The following ESR2 variants were observed in gnomAD, a reference collection of about 807,000 sequenced individuals.
ESR2 encodes estrogen receptor beta.
Under a neutral mutation model 49.6 loss-of-function variants are expected in ESR2, and 36 were observed. The observed-to-expected ratio is 0.73, with a 90% confidence interval of 0.56 to 0.96. ESR2 has a LOEUF of 0.96. Ranked by LOEUF, ESR2 falls within the 40% of genes least tolerant of loss-of-function variation. The pLI is 0.00. For synonymous variants in ESR2, 320 were observed against 266.1 expected (o/e 1.20, Z -1.97); for missense variants, 714 against 693.0 (o/e 1.03, Z -0.34).
rs1242626592 is a variant in ESR2, at chr14:64,240,172, C to T, written c.1226-5022G>A. Among the ~76,000 whole-genome samples, 3 of 152,192 alleles carry T rather than the reference C, an allele frequency of 2.0e-5. No homozygotes were observed. In the East Asian group the frequency reaches 5.8e-4, roughly 29 times the overall value. On this transcript the variant is annotated intron_variant, in intron 7 of 8. Transcript: ENST00000341099. ...GACCTGGCCAGCTAGCGTGCTGTACCACTGCAGATGTGATTGAGTGACATA... is the reference window on the plus strand; with the variant it reads ...GACCTGGCCAGCTAGCGTGCTGTACTACTGCAGATGTGATTGAGTGACATA...
chr14:64,258,637 T>C (rs540537062), intron 5 of ESR2, among the ~76,000 whole-genome samples: 13 of 152,330 alleles, frequency 8.5e-5, no homozygotes, highest in African/African-American at 3.1e-4. Flanking sequence ...TTCAAGTCTT[T>C]GAACAATTAT....
chr14:64,319,292 A>G (rs887495600), intron 1 of ESR2, among the ~76,000 whole-genome samples: 11 of 152,144 alleles, frequency 7.2e-5, no homozygotes, highest in African/African-American at 2.4e-4. Context: ...TACATCACAG[A>G]CCTAAATGTA....
intron 1 of ESR2, among the ~76,000 whole-genome samples, chr14:64,318,924 C>G (rs1180977147): frequency 6.6e-6 from 1 of 151,932 alleles, no homozygotes; most frequent in Non-Finnish European, 1.5e-5. Context: ...GCCTGTAATC[C>G]CAGCTACTAG....
chr14:64,318,944 G>A (rs1229335474), intron 1 of ESR2, among the ~76,000 whole-genome samples: 1 of 152,084 alleles, frequency 6.6e-6, no homozygotes. Flanking sequence ...GGGAGGCTGA[G>A]ATGGGAGGAT....
chr14:64,243,649 C>T (rs924797475), intron 7 of ESR2, among the ~76,000 whole-genome samples: 3 of 152,234 alleles, frequency 2.0e-5, no homozygotes, highest in Non-Finnish European at 4.4e-5. Context: ...AGGCCCACTA[C>T]TGAGGCAATA....
chr14:64,336,534 G>C (rs2077534375), intron 1 of ESR2: 1 of 152,112 alleles, frequency 6.6e-6, no homozygotes, highest in South Asian at 2.1e-4. Flanking sequence ...CATGCTCTTG[G>C]GGTTTTCCTC....
At chr14:64,235,378 T>A (rs1391041465) in intron 7 of ESR2, among the ~76,000 whole-genome samples, 2 of 152,200 alleles carry the variant, frequency 1.3e-5, no homozygotes, top group Admixed American at 1.3e-4. Context: ...CAGACTAAAT[T>A]GCCACCTGAA....
intron 4 of ESR2, among the ~76,000 whole-genome samples, chr14:64,265,313 T>C (rs1385878001): frequency 6.6e-6 from 1 of 152,228 alleles, no homozygotes; most frequent in Non-Finnish European, 1.5e-5. Context: ...TAATGTCTAC[T>C]GGAAGCTTCT....
intron 1 of ESR2, among the ~76,000 whole-genome samples, chr14:64,316,661 T>C (rs1014947160): frequency 6.6e-6 from 1 of 151,248 alleles, no homozygotes; most frequent in Non-Finnish European, 1.5e-5. Flanking sequence ...ATACAAAAAT[T>C]AGTCAGGCAT....
At chr14:64,258,650 C>T (rs1056041153) in intron 5 of ESR2, among the ~76,000 whole-genome samples, 2 of 152,100 alleles carry the variant, frequency 1.3e-5, no homozygotes, top group Admixed American at 6.6e-5. Flanking sequence ...ACAATTATAA[C>T]GCAAATCTGC....
intron 7 of ESR2, among the ~76,000 whole-genome samples, chr14:64,245,816 A>G (rs145787270): frequency 1.3e-5 from 2 of 152,328 alleles, no homozygotes; most frequent in Admixed American, 6.5e-5. Flanking sequence ...ACAAGCAAAC[A>G]GTGCTTTCCG....
intron 3 of ESR2, among the ~76,000 whole-genome samples, chr14:64,276,010 C>T (rs2076551302): frequency 6.6e-6 from 1 of 151,768 alleles, no homozygotes; most frequent in Non-Finnish European, 1.5e-5. Flanking sequence ...ATTCAGTATG[C>T]CAAAATAAAT....
At chr14:64,293,232 A>T (rs1216527641) in intron 1 of ESR2, among the ~76,000 whole-genome samples, 1 of 152,242 alleles carries the variant, frequency 6.6e-6, no homozygotes. Context: ...TTTTTAAATT[A>T]CAAACATGTT....
chr14:64,257,035 C>T (rs1208545658), intron 6 of ESR2, among the ~76,000 whole-genome samples, 191 bp downstream of exon 6: 1 of 152,148 alleles, frequency 6.6e-6, no homozygotes, highest in Non-Finnish European at 1.5e-5. Flanking sequence ...AAAAATGAGT[C>T]ACAGGACCCT....
intron 6 of ESR2, among the ~76,000 whole-genome samples, chr14:64,256,124 C>A (rs2076091052): frequency 6.6e-6 from 1 of 152,214 alleles, no homozygotes; most frequent in African/African-American, 2.4e-5. Context: ...TTCAACCTAG[C>A]ACTTTTTCCA....
intron 1 of ESR2, among the ~76,000 whole-genome samples, chr14:64,284,480 C>T (rs990128835): frequency 6.6e-6 from 1 of 151,330 alleles, no homozygotes; most frequent in Non-Finnish European, 1.5e-5. Flanking sequence ...GCATACACCA[C>T]CACACTAATT....
At chr14:64,268,675 G>GA in intron 4 of ESR2, 120 bp downstream of exon 4, 1 of 673,252 alleles carries the variant, frequency 1.5e-6, no homozygotes. Flanking sequence ...GTGACAACAC[G>GA]CAAATACTTA....
At chr14:64,311,499 G>T (rs779146016) in intron 1 of ESR2, among the ~76,000 whole-genome samples, 22 of 152,078 alleles carry the variant, frequency 1.4e-4, no homozygotes, top group Non-Finnish European at 2.6e-4. Context: ...AATGAGCCAG[G>T]TGTGGTGGTG....
At chr14:64,276,943 A>G (rs1214636612) in intron 3 of ESR2, among the ~76,000 whole-genome samples, 9 of 152,230 alleles carry the variant, frequency 5.9e-5, no homozygotes, top group Admixed American at 5.9e-4. Flanking sequence ...CATGGAATCT[A>G]TAATCTATTG....
Sources: allele counts gnomAD v4.1 joint callset (sites outside exome capture counted in the v4.1 genomes callset), GRCh38; gene constraint gnomAD v4.1.1; transcripts MANE v1.5; gene names NCBI Gene and HGNC (gene_info 2026-07-23, HGNC 2026-07-21).